Variants in ADARB2 observed in about 807,000 individuals in gnomAD.
ADARB2 encodes the protein adenosine deaminase RNA specific B2 (inactive).
ADARB2 carries 25 observed loss-of-function variants against 62.2 expected under a neutral mutation model. That is an observed-to-expected ratio of 0.40 (90% confidence interval 0.29 to 0.56). The LOEUF is 0.56. ADARB2 is among the 20% of genes least tolerant of loss of function. The pLI, the probability that ADARB2 is intolerant of heterozygous loss-of-function variation, is 0.43. For synonymous variants in ADARB2, 572 were observed against 500.8 expected (o/e 1.14, Z -1.90); for missense variants, 1,071 against 1,077.4 (o/e 0.99, Z 0.08).
intron 4 of ADARB2, among the ~76,000 whole-genome samples, chr10:1,249,139 A>G (rs1190537021): frequency 1.3e-5 from 2 of 152,218 alleles, no homozygotes; most frequent in Non-Finnish European, 2.9e-5. Context: ...TGTGATAATC[A>G]GTTATATTAA....
At chr10:1,596,633 C>A (rs552453875) in intron 1 of ADARB2, among the ~76,000 whole-genome samples, 2 of 152,154 alleles carry the variant, frequency 1.3e-5, no homozygotes, top group Non-Finnish European at 2.9e-5. Flanking sequence ...AGGATGGACC[C>A]GCTGGCTGAG....
intron 1 of ADARB2, among the ~76,000 whole-genome samples, chr10:1,478,924 A>T (rs1831435275): frequency 6.6e-6 from 1 of 152,166 alleles, no homozygotes; most frequent in Non-Finnish European, 1.5e-5. Flanking sequence ...GAGAACCAAG[A>T]TGGGGACCCT....
At chr10:1,391,409 C>T (rs1002428240) in intron 1 of ADARB2, among the ~76,000 whole-genome samples, 4 of 152,152 alleles carry the variant, frequency 2.6e-5, no homozygotes, top group Admixed American at 1.3e-4. Flanking sequence ...GACTCACTAT[C>T]GCTGTTCTCC....
intron 7 of ADARB2, among the ~76,000 whole-genome samples, chr10:1,215,058 T>G (rs1837214691): frequency 9.7e-6 from 1 of 103,518 alleles, no homozygotes; most frequent in African/African-American, 3.8e-5. Context: ...TGTAGGGGCC[T>G]GCAGGGGCGG....
chr10:1,512,156 C>T (rs1831945504), intron 1 of ADARB2, among the ~76,000 whole-genome samples: 1 of 151,542 alleles, frequency 6.6e-6, no homozygotes, highest in African/African-American at 2.4e-5. Context: ...GCTGTCCACA[C>T]TAGATACCAA....
chr10:1,363,506 A>C lies in ADARB2; in HGVS notation c.599T>G (p.Leu200Arg), dbSNP rs759922244. 6.5e-7 allele frequency: 1 copy of C among 1,529,020 alleles called. No individual in the cohort carries two copies. Among genetic ancestry groups the C allele is most frequent in the South Asian group, 1.3e-5 (1 of 78,940 alleles). The allele number at this position is 1,529,020 out of a possible 1,614,324, so 94.7% of individuals were successfully genotyped here. Residue 200 changes from leucine (L) to arginine (R), a missense_variant, in exon 3 of 10, where the codon CTG becomes CGG. Coordinates refer to ENST00000381312, the MANE Select transcript of ADARB2 (RefSeq NM_018702.4). Reference sequence around the variant, plus strand: ...GGGGCCCGGGCCCCCGCCCATGGCCAGGTGCGCCTGGCAGGCGTTGGGGAA... The same window carrying C: ...GGGGCCCGGGCCCCCGCCCATGGCCCGGTGCGCCTGGCAGGCGTTGGGGAA... The part of the protein sequence containing the change: ...VQFPNACQAH[L>R]AMGGGPGPGT...
At chr10:1,200,339 T>G (rs1419110019) in intron 7 of ADARB2, 192 bp from the exon 8 acceptor site, 4 of 724,292 alleles carry the variant, frequency 5.5e-6, no homozygotes, top group Non-Finnish European at 9.9e-6. Flanking sequence ...TGCCTGGGAC[T>G]GGGCTCCACA....
At chr10:1,226,397 C>T (rs540666241) in intron 6 of ADARB2, among the ~76,000 whole-genome samples, 170 of 152,330 alleles carry the variant, frequency 1.1e-3, no homozygotes, top group African/African-American at 3.9e-3. Flanking sequence ...CTGAAGCCTT[C>T]TTCTCTGAAC....
At chr10:1,371,645 T>A (rs1564272227) in intron 2 of ADARB2, among the ~76,000 whole-genome samples, 1 of 152,026 alleles carries the variant, frequency 6.6e-6, no homozygotes, top group Non-Finnish European at 1.5e-5. Flanking sequence ...GCAAAGGGCA[T>A]GAACAGACAT....
chr10:1,370,103 C>G (rs945930887), intron 2 of ADARB2, among the ~76,000 whole-genome samples: 13 of 152,322 alleles, frequency 8.5e-5, no homozygotes, highest in Middle Eastern at 3.4e-3. Context: ...GATAATTCAT[C>G]ATGATCAAGG....
At chr10:1,591,690 C>T (rs1368986827) in intron 1 of ADARB2, among the ~76,000 whole-genome samples, 2 of 152,118 alleles carry the variant, frequency 1.3e-5, no homozygotes, top group African/African-American at 2.4e-5. Flanking sequence ...CACACACTCA[C>T]CAGGACCCCC....
At chr10:1,627,676 G>C (rs896747580) in intron 1 of ADARB2, among the ~76,000 whole-genome samples, 11 of 152,216 alleles carry the variant, frequency 7.2e-5, no homozygotes, top group African/African-American at 2.2e-4. Flanking sequence ...CTGTTTTACA[G>C]ATTACACTAG....
At chr10:1,503,349 G>T (rs1831790531) in intron 1 of ADARB2, among the ~76,000 whole-genome samples, 1 of 137,748 alleles carries the variant, frequency 7.3e-6, no homozygotes, top group African/African-American at 2.5e-5. Context: ...ACCATACCCA[G>T]CTATTTTTTT....
chr10:1,562,434 C>T (rs1322784588), intron 1 of ADARB2, among the ~76,000 whole-genome samples: 1 of 143,492 alleles, frequency 7.0e-6, no homozygotes, highest in Non-Finnish European at 1.5e-5. Context: ...AGAAAAGGTT[C>T]CCAGCATTTC....
At chr10:1,517,651 A>G (rs1832021999) in intron 1 of ADARB2, among the ~76,000 whole-genome samples, 1 of 152,214 alleles carries the variant, frequency 6.6e-6, no homozygotes, top group Non-Finnish European at 1.5e-5. Flanking sequence ...GGATTTTGTC[A>G]GAATACTTAC....
At chr10:1,586,490 A>G (rs1381086499) in intron 1 of ADARB2, among the ~76,000 whole-genome samples, 1 of 152,246 alleles carries the variant, frequency 6.6e-6, no homozygotes, top group Non-Finnish European at 1.5e-5. Flanking sequence ...TCTTGTGGGA[A>G]GATCAATGCA....
chr10:1,529,419 C>A (rs141699006), intron 1 of ADARB2, among the ~76,000 whole-genome samples: 1 of 152,154 alleles, frequency 6.6e-6, no homozygotes, highest in African/African-American at 2.4e-5. Context: ...TTAGGGAAGG[C>A]GAGGACCTGA....
In ADARB2 at chr10:1,364,056, C is replaced by A. The variant is rs1832290638; in HGVS notation, c.188-139G>T. The A allele has an allele frequency of 4.0e-6, 5 of 1,237,600 alleles. No individual in the cohort carries two copies. In the South Asian group the frequency reaches 9.1e-5, roughly 23 times the overall value. 76.7% of individuals were successfully genotyped at this position (1,237,600 alleles called of 1,614,324 possible). ...GGTCAGGCCTGAGAAATGACTGTGG[C>A]CGCCAGAGAGAGGGAGCCCCTGGGA... On this transcript the variant is annotated intron_variant, in intron 2 of 9. Coordinates refer to ENST00000381312, the MANE Select transcript of ADARB2 (RefSeq NM_018702.4).
intron 1 of ADARB2, among the ~76,000 whole-genome samples, chr10:1,555,633 G>A (rs994450974): frequency 9.9e-5 from 15 of 152,114 alleles, no homozygotes; most frequent in African/African-American, 2.9e-4. Flanking sequence ...AGAGCTGAGG[G>A]CCTTATGAAA....
Sources: gnomAD v4.1 joint callset for allele counts (sites outside exome capture counted in the v4.1 genomes callset) on GRCh38, gnomAD v4.1.1 for gene constraint, MANE v1.5 for transcripts, NCBI Gene and HGNC (gene_info 2026-07-23, HGNC 2026-07-21) for gene names.